Variants in TBC1D19 observed in about 807,000 individuals in gnomAD.
The protein encoded by TBC1D19 is TBC1 domain family, member 19.
TBC1D19 carries 60 observed loss-of-function variants against 89.0 expected under a neutral mutation model. The observed-to-expected ratio is 0.67, with a 90% confidence interval of 0.55 to 0.84. The LOEUF is 0.84. TBC1D19 is among the 40% of genes least tolerant of loss of function. TBC1D19 has a pLI of 0.00. For synonymous variants in TBC1D19, 189 were observed against 199.7 expected (o/e 0.95, Z 0.45); for missense variants, 500 against 610.8 (o/e 0.82, Z 1.91).
At chr4:26,652,045 G>A (rs896096677) in intron 7 of TBC1D19, among the ~76,000 whole-genome samples, 1 of 152,052 alleles carries the variant, frequency 6.6e-6, no homozygotes, top group Non-Finnish European at 1.5e-5. Context: ...AACCAGCCTT[G>A]CATCCCAGGG....
intron 14 of TBC1D19, 108 bp from the exon 15 acceptor site, chr4:26,719,973 T>G: frequency 1.2e-6 from 1 of 820,108 alleles, no homozygotes; most frequent in Non-Finnish European, 1.9e-6. Context: ...ACATATCAGT[T>G]TATAGTAGTT....
chr4:26,720,091 A>G lies in TBC1D19; in HGVS notation c.1050A>G (p.Gly350=). The G allele has an allele frequency of 1.2e-6, 2 of 1,604,408 alleles. No individual in the cohort carries two copies. Among genetic ancestry groups the G allele is most frequent in the Non-Finnish European group, 1.7e-6 (2 of 1,175,062 alleles). ...GGTTTTCTCTTATAGGAAAACTAGG[A>G]CTGGAAGAATATGCTGTCTTTTACC... is the stretch of plus-strand genomic sequence containing the variant. The part of the protein sequence containing the change: ...PPKSYIRGKL[G]LEEYAVFYPP... The change falls in exon 15 of 21, where the codon GGA becomes GGG. Residue 350 remains glycine (G), a synonymous_variant. Transcript: ENST00000264866.
chr4:26,717,774 C>T (rs1716724031), intron 13 of TBC1D19, among the ~76,000 whole-genome samples, 159 bp from the exon 14 acceptor site: 2 of 151,958 alleles, frequency 1.3e-5, no homozygotes. Flanking sequence ...ATTTGGCATC[C>T]CACTGTAATG....
rs185669591 is a variant in TBC1D19, at chr4:26,637,055, T to C, written c.295-156T>C. Among the ~76,000 whole-genome samples the C allele has an allele frequency of 3.4e-4, 52 of 152,294 alleles. 1 individual carries two copies. Among genetic ancestry groups the C allele is most frequent in the African/African-American group, 9.9e-4 (41 of 41,582 alleles). On this transcript the variant is annotated intron_variant, in intron 4 of 20. Coordinates refer to ENST00000264866, the MANE Select transcript of TBC1D19 (RefSeq NM_018317.4). ...ACAAAGGATAGTATCTGGCATATAG[T>C]AGGCAATAGTCAGTATTTGTTGAGT...
Position 26,632,958 on chromosome 4 carries a change from A to G in TBC1D19, c.295-4253A>G, listed in dbSNP as rs530652465. ...ATTAACTTCCTCTGGTGTGGTGTCT[A>G]TTAGCTGTTGAATTTCTCTAAAATC... On this transcript the variant is annotated intron_variant, in intron 4 of 20. Transcript: ENST00000264866. Among the ~76,000 whole-genome samples, 7 of 152,200 alleles carry G rather than the reference A, an allele frequency of 4.6e-5. No individual in the cohort carries two copies. In the South Asian group the frequency reaches 8.3e-4, roughly 18 times the overall value.
At chr4:26,653,709 T>G (rs1048264011) in intron 7 of TBC1D19, among the ~76,000 whole-genome samples, 1 of 152,188 alleles carries the variant, frequency 6.6e-6, no homozygotes, top group Admixed American at 6.5e-5. Flanking sequence ...TGCCTTTTTT[T>G]GTTTCCCATT....
chr4:26,651,563 G>A (rs547709160), intron 7 of TBC1D19, among the ~76,000 whole-genome samples: 1 of 152,166 alleles, frequency 6.6e-6, no homozygotes, highest in Non-Finnish European at 1.5e-5. Flanking sequence ...CATTGATTTT[G>A]TATCCTGAGC....
downstream of TBC1D19, among the ~76,000 whole-genome samples, chr4:26,759,608 C>T (rs1319228255): frequency 6.6e-6 from 1 of 152,032 alleles, no homozygotes; most frequent in Non-Finnish European, 1.5e-5. Context: ...TCCTTTTGTG[C>T]CCCTCCCCAT....
At chr4:26,678,264 G>C (rs924995343) in intron 11 of TBC1D19, among the ~76,000 whole-genome samples, 1 of 152,218 alleles carries the variant, frequency 6.6e-6, no homozygotes, top group Admixed American at 6.5e-5. Flanking sequence ...GAGACTGGCA[G>C]CATTTTGTCC....
chr4:26,594,011 A>ATGATTT, intron 1 of TBC1D19, among the ~76,000 whole-genome samples: 1 of 152,196 alleles, frequency 6.6e-6, no homozygotes, highest in East Asian at 1.9e-4. Context: ...AAGGATTATA[A>ATGATTT]ATCATGCTGC....
chr4:26,787,454 A>T, the TBC1D19 span, among the ~76,000 whole-genome samples: 1 of 152,114 alleles, frequency 6.6e-6, no homozygotes, highest in Non-Finnish European at 1.5e-5. Context: ...CCAGGTGGAC[A>T]TGGGATTACA....
upstream of TBC1D19, among the ~76,000 whole-genome samples, chr4:26,583,203 T>TG (rs199540483): frequency 3.1e-3 from 465 of 151,682 alleles, no homozygotes; most frequent in Middle Eastern, 0.034. Context: ...AGGCCTTTTT[T>TG]GGGGGGGGAA....
intron 3 of TBC1D19, among the ~76,000 whole-genome samples, chr4:26,615,488 A>G (rs1372100075): frequency 6.8e-6 from 1 of 146,036 alleles, no homozygotes; most frequent in African/African-American, 2.5e-5. Flanking sequence ...CTATCACTGT[A>G]TTTATGTCTG....
At chr4:26,664,697 G>T (rs1315597032) in intron 8 of TBC1D19, among the ~76,000 whole-genome samples, 1 of 151,510 alleles carries the variant, frequency 6.6e-6, no homozygotes, top group African/African-American at 2.4e-5. Flanking sequence ...AATGGGAGGG[G>T]ACGCAAAGGG....
chr4:26,853,630 C>T, the TBC1D19 span, among the ~76,000 whole-genome samples: 1 of 152,098 alleles, frequency 6.6e-6, no homozygotes, highest in African/African-American at 2.4e-5. Context: ...CTCTGCCTCC[C>T]AGGTTCAAGC....
At chr4:26,782,722 G>T in the TBC1D19 span, among the ~76,000 whole-genome samples, 1 of 151,312 alleles carries the variant, frequency 6.6e-6, no homozygotes, top group Non-Finnish European at 1.5e-5. Context: ...AGGATGTATG[G>T]ATTAAAAACA....
At position 26,666,186 on chromosome 4, in the gene TBC1D19, CCTTTT is replaced by C. The variant is rs1717837147; in HGVS notation, c.592-141_592-137del. The C allele has an allele frequency of 4.4e-5, 24 of 540,824 alleles. No individual in the cohort carries two copies. The South Asian group carries it at 8.4e-4, about 19-fold the overall frequency. 33.5% of individuals were successfully genotyped at this position (540,824 alleles called of 1,614,324 possible). On this transcript the variant is annotated intron_variant, in intron 8 of 20. Transcript: ENST00000264866. ...CTTATTATTTAGATGTTTAATATGT[CCTTTT>C]CTTTTTTAGGTATTTGAATAAAGCA...
chr4:26,776,998 G>A, the TBC1D19 span, among the ~76,000 whole-genome samples: 1 of 151,898 alleles, frequency 6.6e-6, no homozygotes, highest in East Asian at 1.9e-4. Context: ...TTTCAAGAAC[G>A]TTTTGTTGAA....
chr4:26,787,101 GTTTTTTTT>G, the TBC1D19 span, among the ~76,000 whole-genome samples: 1 of 129,368 alleles, frequency 7.7e-6, no homozygotes, highest in Non-Finnish European at 1.6e-5. Flanking sequence ...AGAGGAACTA[GTTTTTTTT>G]TTTTTTTTTT....
Sources: gnomAD v4.1 joint callset for allele counts (sites outside exome capture counted in the v4.1 genomes callset) on GRCh38, gnomAD v4.1.1 for gene constraint, MANE v1.5 for transcripts, NCBI Gene and HGNC (gene_info 2026-07-23, HGNC 2026-07-21) for gene names.